The following MAP2K3 variants were observed in gnomAD, a reference collection of about 807,000 sequenced individuals.
MAP2K3 encodes the protein mitogen-activated protein kinase kinase 3.
MAP2K3 carries 30 observed loss-of-function variants against 46.4 expected under a neutral mutation model. That is an observed-to-expected ratio of 0.65 (90% confidence interval 0.48 to 0.88). The LOEUF is 0.88. MAP2K3 is among the 40% of genes least tolerant of loss of function. The probability of loss-of-function intolerance (pLI) is 0.00; values close to 1 mark genes in which losing one functional copy is unlikely to be tolerated. For missense variants in MAP2K3, 380 were observed against 464.5 expected (o/e 0.82, Z 1.67); for synonymous variants, 189 against 176.3 (o/e 1.07, Z -0.57).
At chr17:21,299,024 G>C (rs1976437166) in intron 3 of MAP2K3, 98 bp downstream of exon 3, 3 of 1,526,718 alleles carry the variant, frequency 2.0e-6, no homozygotes, top group African/African-American at 2.7e-5. Flanking sequence ...GTGACTGAGG[G>C]GTCAGAGAGG....
chr17:21,293,409 T>A (rs1401528534), intron 1 of MAP2K3, among the ~76,000 whole-genome samples: 4 of 152,310 alleles, frequency 2.6e-5, no homozygotes, highest in Admixed American at 2.0e-4. Flanking sequence ...GGGCCATGGT[T>A]GTCTCTGCTG....
chr17:21,314,359 C>G lies in MAP2K3; in HGVS notation c.*129C>G, dbSNP rs1371287624. On this transcript the variant is annotated 3_prime_UTR_variant, in exon 12 of 12. Coordinates refer to ENST00000342679, the MANE Select transcript of MAP2K3 (RefSeq NM_145109.3). Reference sequence around the variant, plus strand: ...CATCTGGGAGGAACCGAGGGGGCTGCTCCCACCTGGCTCTGTGGCGAGCCA... The same window carrying G: ...CATCTGGGAGGAACCGAGGGGGCTGGTCCCACCTGGCTCTGTGGCGAGCCA... The G allele has an allele frequency of 1.2e-6, 1 of 831,530 alleles. No individual in the cohort carries two copies. Among genetic ancestry groups the G allele is most frequent in the African/African-American group, 1.7e-5 (1 of 59,590 alleles). The allele number at this position is 831,530 out of a possible 1,614,324, so 51.5% of individuals were successfully genotyped here. A position where few individuals can be genotyped will look rare whatever the true frequency, so the allele number is the denominator to read the frequency against.
At chr17:21,298,237 G>C in intron 1 of MAP2K3, 176 bp from the exon 2 acceptor site, 1 of 890,614 alleles carries the variant, frequency 1.1e-6, no homozygotes, top group South Asian at 1.3e-5. Flanking sequence ...TGCAGGGCTG[G>C]TGGGCCTCCT....
intron 1 of MAP2K3, among the ~76,000 whole-genome samples, chr17:21,292,661 AT>A (rs1261769541): frequency 2.6e-5 from 4 of 152,282 alleles, no homozygotes; most frequent in Non-Finnish European, 5.9e-5. Flanking sequence ...TAATTTTTGT[AT>A]TTTTAGTAGA....
At position 21,284,945 on chromosome 17, in the gene MAP2K3, C is replaced by G. The variant is rs768042835; in HGVS notation, c.25C>G (p.Pro9Ala). 2 of 1,612,358 alleles carry G rather than the reference C, an allele frequency of 1.2e-6. No homozygotes were observed. Among genetic ancestry groups the G allele is most frequent in the Non-Finnish European group, 8.5e-7 (1 of 1,179,660 alleles). Residue 9 changes from proline to alanine, a missense_variant, in exon 1 of 12, where the codon CCC (proline) becomes GCC (alanine). Around this residue, in one of 5 missense-constraint regions of MAP2K3, gnomAD observed 294 missense variants for 275.4 expected, o/e 1.07. Transcript: ENST00000342679. Reference protein sequence around the residue: MESPASSQPASMPQSKGKS... With the variant: MESPASSQAASMPQSKGKS... ...CATGGAGTCGCCCGCCTCGAGCCAG[C>G]CCGCCAGCATGCCCCAGTCCAAAGG...
intron 4 of MAP2K3, 43 bp downstream of exon 4, chr17:21,300,701 G>C (rs764171001): frequency 1.3e-6 from 2 of 1,594,790 alleles, no homozygotes; most frequent in African/African-American, 2.7e-5. Flanking sequence ...CCCTGGAGGA[G>C]GCGGGCTGAG....
In MAP2K3 at chr17:21,298,218, C is replaced by T. The variant is rs911417717; in HGVS notation, c.50-195C>T. ...CCTCCAGGCCTGGGTCTGTCCTGCTCTGCTCCCCTGCAGGGCTGGTGGGCC... is the reference window on the plus strand; with the variant it reads ...CCTCCAGGCCTGGGTCTGTCCTGCTTTGCTCCCCTGCAGGGCTGGTGGGCC... On this transcript the variant is annotated intron_variant, in intron 1 of 11. Transcript: ENST00000342679. The T allele has an allele frequency of 4.9e-6, 4 of 816,010 alleles. No individual in the cohort carries two copies. In the East Asian group the frequency reaches 7.2e-5, roughly 15 times the overall value. The allele number at this position is 816,010 out of a possible 1,614,324, so 50.5% of individuals were successfully genotyped here.
chr17:21,285,283 C>G, intron 1 of MAP2K3: 1 of 985,330 alleles, frequency 1.0e-6, no homozygotes, highest in Non-Finnish European at 1.2e-6. Context: ...ATGGCTGCAG[C>G]CTGGACATGA....
At chr17:21,294,514 G>A (rs532454887) in intron 1 of MAP2K3, among the ~76,000 whole-genome samples, 185 of 152,338 alleles carry the variant, frequency 1.2e-3, no homozygotes, top group African/African-American at 4.1e-3. Flanking sequence ...CAGCCGAAGT[G>A]GGGGCCCTGC....
In MAP2K3 at chr17:21,300,735, C is replaced by CA. The variant is rs1976548886; in HGVS notation, c.279+77_279+78insA. 5.6e-6 allele frequency: 9 copies of CA among 1,599,978 alleles called. No homozygotes were observed. In the South Asian group the frequency reaches 1.0e-4, roughly 18 times the overall value. ...AGCTCTGCCATGGGGCCCTGCCTAT[C>CA]CCTCTCAGTGATCAGTACCGAGGCT... On this transcript the variant is annotated intron_variant, in intron 4 of 11. Transcript: ENST00000342679.
intron 1 of MAP2K3, 66 bp from the exon 2 acceptor site, chr17:21,298,347 C>G (rs762870202): frequency 4.4e-6 from 7 of 1,606,296 alleles, no homozygotes; most frequent in Non-Finnish European, 6.0e-6. Context: ...CCTGATGGCT[C>G]ATGGGAGTGC....
At chr17:21,301,380 T>C (rs1033702941) in intron 5 of MAP2K3, among the ~76,000 whole-genome samples, 6 of 152,306 alleles carry the variant, frequency 3.9e-5, no homozygotes, top group Admixed American at 1.3e-4. Context: ...TTCTGGGTTC[T>C]AGGTTTGTGG....
intron 1 of MAP2K3, among the ~76,000 whole-genome samples, chr17:21,294,049 A>T (rs1976098347): frequency 6.6e-6 from 1 of 152,310 alleles, no homozygotes; most frequent in Non-Finnish European, 1.5e-5. Context: ...TCGCAGCCAA[A>T]CACATCCATC....
chr17:21,298,872 C>A lies in MAP2K3; in HGVS notation c.117-6C>A. The A allele has an allele frequency of 6.2e-7, 1 of 1,614,320 alleles. No homozygotes were observed. ...CTGAAGCTCACGGAGTCTTCTTTCT[C>A]CACAGACCCCCCCGGAACCTGGACT... On this transcript the variant is annotated splice_region_variant and splice_polypyrimidine_tract_variant and intron_variant, in intron 2 of 11. Coordinates refer to ENST00000342679, the MANE Select transcript of MAP2K3 (RefSeq NM_145109.3).
At chr17:21,289,733 GA>G (rs1489067535) in intron 1 of MAP2K3, among the ~76,000 whole-genome samples, 1 of 152,240 alleles carries the variant, frequency 6.6e-6, no homozygotes, top group African/African-American at 2.4e-5. Context: ...AGGGGAGGCA[GA>G]AGCAGTTTGT....
rs1309483884 is a variant in MAP2K3 at position 21,313,930 on chromosome 17, G to A, written c.961-217G>A. On this transcript the variant is annotated intron_variant, in intron 11 of 11. Transcript: ENST00000342679. ...GCCTGACGTGTGGGGGGAAAGGGAG[G>A]TTAGTGTGGCTGGAGAGTGACCACA... The A allele has an allele frequency of 6.7e-6, 4 of 599,386 alleles. No homozygotes were observed. In the African/African-American group the frequency reaches 7.4e-5, roughly 11 times the overall value. The allele number at this position is 599,386 out of a possible 1,614,324, so 37.1% of individuals were successfully genotyped here. A position where few individuals can be genotyped will look rare whatever the true frequency, so the allele number is the denominator to read the frequency against.
At chr17:21,299,331 T>C (rs1255519280) in intron 3 of MAP2K3, among the ~76,000 whole-genome samples, 1 of 152,312 alleles carries the variant, frequency 6.6e-6, no homozygotes, top group East Asian at 1.9e-4. Context: ...GGAAGGGCAC[T>C]AGCCATTCAG....
intron 3 of MAP2K3, among the ~76,000 whole-genome samples, chr17:21,300,032 A>G (rs1976501835): frequency 6.6e-6 from 1 of 152,312 alleles, no homozygotes; most frequent in African/African-American, 2.4e-5. Context: ...TACTCCCTCC[A>G]GGCTGTCGCA....
rs964661363 is a variant in MAP2K3, at chr17:21,298,567, A to T, written c.116+88A>T. The stretch of plus-strand genomic sequence containing the variant: ...GAAGGAGTGAGAGGCAGGTGGGGCC[A>T]GCCCTGCTTTACCTCGTCCTGTCCT... On this transcript the variant is annotated intron_variant, in intron 2 of 11. Coordinates refer to ENST00000342679, the MANE Select transcript of MAP2K3 (RefSeq NM_145109.3). 6 of 1,604,780 alleles carry T rather than the reference A, an allele frequency of 3.7e-6. No homozygotes were observed. In the African/African-American group the frequency reaches 5.3e-5, roughly 14 times the overall value.
Sources: allele counts gnomAD v4.1 joint callset (sites outside exome capture counted in the v4.1 genomes callset), GRCh38; gene constraint gnomAD v4.1.1; regional missense constraint gnomAD v4.1.1; transcripts MANE v1.5; gene names NCBI Gene and HGNC (gene_info 2026-07-23, HGNC 2026-07-21).